Variants in CDC123 observed in about 807,000 individuals in gnomAD.
CDC123 encodes cell division cycle 123.
In CDC123, 37 loss-of-function variants were observed where a neutral mutation model predicts 54.4. The ratio of observed to expected loss-of-function variants is 0.68; its 90% CI spans 0.52 to 0.89. The LOEUF is 0.89. CDC123 is among the 40% of genes least tolerant of loss of function. The pLI is 0.00. For missense variants in CDC123, 361 were observed against 412.1 expected (o/e 0.88, Z 1.07); for synonymous variants, 144 against 136.8 (o/e 1.05, Z -0.37).
In CDC123 at chr10:12,246,214, G is replaced by T; in HGVS notation, c.783G>T (p.Trp261Cys). 1 of 1,614,062 alleles carries T rather than the reference G, an allele frequency of 6.2e-7. No individual in the cohort carries two copies. The highest frequency in any genetic ancestry group is 8.5e-7 in the Non-Finnish European group (1 of 1,179,972). ...TCACAGATTCACTGCTGTTCACCTG[G>T]GAAGAACTGATATCTGAGAACAACT... ...GEVTDSLLFTWEELISENNLN... is the reference protein window; with the variant it reads ...GEVTDSLLFTCEELISENNLN... Residue 261 changes from tryptophan to cysteine, a missense_variant, in exon 11 of 13, where the codon TGG becomes TGT. Coordinates refer to ENST00000281141, the MANE Select transcript of CDC123 (RefSeq NM_006023.3).
At chr10:12,205,834 T>C (rs1171804788) in intron 2 of CDC123, among the ~76,000 whole-genome samples, 1 of 152,012 alleles carries the variant, frequency 6.6e-6, no homozygotes, top group Admixed American at 6.6e-5. Flanking sequence ...AGTCTCACTG[T>C]GTCACCTAGG....
chr10:12,250,477 C>T lies in CDC123; in HGVS notation c.*140C>T. 1 of 727,598 alleles carries T rather than the reference C, an allele frequency of 1.4e-6. No individual in the cohort carries two copies. Among genetic ancestry groups the T allele is most frequent in the Non-Finnish European group, 2.5e-6 (1 of 394,002 alleles). The allele number at this position is 727,598 out of a possible 1,614,324, so 45.1% of individuals were successfully genotyped here. ...GCCACTTTTTATATTCATGTACATT[C>T]ACCTGGGGAAAAAAACGGAGGGACT... On this transcript the variant is annotated 3_prime_UTR_variant, in exon 13 of 13. Transcript: ENST00000281141.
At chr10:12,216,925 C>G (rs17151433) in intron 5 of CDC123, among the ~76,000 whole-genome samples, 3,649 of 152,248 alleles carry the variant, frequency 0.024, 144 homozygotes, top group African/African-American at 0.083. Flanking sequence ...TGTAACTGCT[C>G]CAGCCGCCAA....
chr10:12,229,336 A>G (rs923921127), intron 6 of CDC123, among the ~76,000 whole-genome samples: 4 of 152,302 alleles, frequency 2.6e-5, no homozygotes, highest in East Asian at 1.9e-4. Context: ...ATGAAGTCCA[A>G]GTCCCCTGGG....
chr10:12,239,379 C>T (rs1312385074), intron 10 of CDC123, among the ~76,000 whole-genome samples: 2 of 152,122 alleles, frequency 1.3e-5, no homozygotes, highest in Admixed American at 1.3e-4. Context: ...GTTCAGTTTG[C>T]ACACTTAAAT....
intron 6 of CDC123, among the ~76,000 whole-genome samples, chr10:12,222,863 A>T (rs958546266): frequency 6.6e-6 from 1 of 151,386 alleles, no homozygotes; most frequent in Non-Finnish European, 1.5e-5. Context: ...CCAGACCGAC[A>T]TGCTCATCAC....
At chr10:12,222,870 T>C (rs1191471183) in intron 6 of CDC123, among the ~76,000 whole-genome samples, 1 of 151,626 alleles carries the variant, frequency 6.6e-6, no homozygotes, top group Non-Finnish European at 1.5e-5. Context: ...GACATGCTCA[T>C]CACTGGATAT....
At chr10:12,244,301 A>G (rs1401242395) in intron 10 of CDC123, among the ~76,000 whole-genome samples, 1 of 152,268 alleles carries the variant, frequency 6.6e-6, no homozygotes, top group Non-Finnish European at 1.5e-5. Flanking sequence ...AAACAAATTC[A>G]TTATTAACCA....
At chr10:12,204,756 C>T (rs1286923632) in intron 2 of CDC123, among the ~76,000 whole-genome samples, 1 of 152,060 alleles carries the variant, frequency 6.6e-6, no homozygotes, top group South Asian at 2.1e-4. Flanking sequence ...CTTTTGGAGG[C>T]TCAGGTGGGC....
intron 2 of CDC123, among the ~76,000 whole-genome samples, chr10:12,201,306 A>G (rs1835436291): frequency 6.6e-6 from 1 of 152,240 alleles, no homozygotes; most frequent in Admixed American, 6.5e-5. Flanking sequence ...GAACATAGCA[A>G]ACACACAAGA....
At chr10:12,226,384 G>A (rs547955954) in intron 6 of CDC123, among the ~76,000 whole-genome samples, 300 of 151,774 alleles carry the variant, frequency 2.0e-3, no homozygotes, top group African/African-American at 6.9e-3. Flanking sequence ...CAGATGGGGC[G>A]GCTGGCCGGG....
At chr10:12,203,750 C>CATAA (rs113703606) in intron 2 of CDC123, among the ~76,000 whole-genome samples, 3,473 of 152,080 alleles carry the variant, frequency 0.023, 134 homozygotes, top group African/African-American at 0.08. Flanking sequence ...GCAAGTCAAA[C>CATAA]ATAAATAAAT....
chr10:12,205,113 C>T (rs1835501090), intron 2 of CDC123, among the ~76,000 whole-genome samples: 1 of 151,650 alleles, frequency 6.6e-6, no homozygotes, highest in South Asian at 2.1e-4. Context: ...CATCTTTCTA[C>T]TCTCTATATC....
intron 7 of CDC123, among the ~76,000 whole-genome samples, chr10:12,232,853 C>T (rs1370362641): frequency 2.0e-5 from 3 of 151,286 alleles, no homozygotes; most frequent in Non-Finnish European, 4.4e-5. Context: ...GCGCCATCTC[C>T]GGTTCACGCC....
intron 4 of CDC123, among the ~76,000 whole-genome samples, chr10:12,213,637 G>C (rs1242759663): frequency 6.6e-6 from 1 of 151,950 alleles, no homozygotes; most frequent in African/African-American, 2.4e-5. Flanking sequence ...TTGTGTCAGT[G>C]TTAGTTCCGT....
chr10:12,234,974 T>G, intron 7 of CDC123, 74 bp from the exon 8 acceptor site: 3 of 1,018,882 alleles, frequency 2.9e-6, no homozygotes, highest in Middle Eastern at 2.1e-4. Flanking sequence ...TAAGATACAG[T>G]GTTGACCTAA....
chr10:12,221,793 TTTATTTAC>T (rs1334952296), intron 6 of CDC123, among the ~76,000 whole-genome samples: 7 of 151,540 alleles, frequency 4.6e-5, no homozygotes, highest in Non-Finnish European at 1.0e-4. Flanking sequence ...TTATTTATTT[TTTATTTAC>T]TTATTTTTTA....
chr10:12,215,885 C>A, intron 5 of CDC123, 50 bp downstream of exon 5: 1 of 1,238,530 alleles, frequency 8.1e-7, no homozygotes, highest in Non-Finnish European at 1.2e-6. Context: ...CTTTGTTTTG[C>A]TGTTTATTTC....
In CDC123 at chr10:12,215,172, G is replaced by A. The variant is rs552418609; in HGVS notation, c.238-568G>A. Among the ~76,000 whole-genome samples, 5 of 152,288 alleles carry A rather than the reference G, an allele frequency of 3.3e-5. No individual in the cohort carries two copies. In the East Asian group the frequency reaches 9.6e-4, roughly 29 times the overall value. ...AAAAATCATCCAAACAGGAAAGAAC[G>A]TTTTACCTTGACTAAGGTTCACATT... is the stretch of plus-strand genomic sequence containing the variant. On this transcript the variant is annotated intron_variant, in intron 4 of 12. Transcript: ENST00000281141.
Sources: allele counts gnomAD v4.1 joint callset (sites outside exome capture counted in the v4.1 genomes callset), GRCh38; gene constraint gnomAD v4.1.1; transcripts MANE v1.5; gene names NCBI Gene and HGNC (gene_info 2026-07-23, HGNC 2026-07-21).